NLGN1: variants seen among roughly 807,000 people sequenced by gnomAD.
The protein encoded by NLGN1 is neuroligin-1.
In NLGN1, 12 loss-of-function variants were observed where a neutral mutation model predicts 65.5. The ratio of observed to expected loss-of-function variants is 0.18; its 90% CI spans 0.12 to 0.30. The LOEUF (loss-of-function observed/expected upper bound fraction) is 0.30. Among genes scored for constraint, NLGN1 ranks in the 10% least tolerant of loss-of-function variants. The probability of loss-of-function intolerance (pLI) is 1.00; values close to 1 mark genes in which losing one functional copy is unlikely to be tolerated. For synonymous variants in NLGN1, 350 were observed against 359.5 expected (o/e 0.97, Z 0.30); for missense variants, 750 against 1,007.1 (o/e 0.74, Z 3.46).
intron 4 of NLGN1, among the ~76,000 whole-genome samples, chr3:174,175,645 TCACA>T (rs1428600582): frequency 6.6e-6 from 1 of 151,944 alleles, no homozygotes; most frequent in African/African-American, 2.4e-5. Context: ...TGATTCCATC[TCACA>T]CACACTGAGT....
intron 4 of NLGN1, among the ~76,000 whole-genome samples, chr3:173,844,872 A>G (rs1050820499): frequency 3.3e-5 from 5 of 152,236 alleles, no homozygotes; most frequent in Admixed American, 2.0e-4. Flanking sequence ...AAGGCGGTTC[A>G]TAGTCTTCTA....
intron 4 of NLGN1, among the ~76,000 whole-genome samples, chr3:174,147,722 G>T (rs566906885): frequency 6.6e-6 from 1 of 151,986 alleles, no homozygotes; most frequent in Non-Finnish European, 1.5e-5. Flanking sequence ...GGCCGAAAAC[G>T]TGCTAGTTTA....
In NLGN1 at chr3:173,965,981, A is replaced by G. The variant is rs552834306; in HGVS notation, c.646+158149A>G. ...ACAGGTGTTAGCAGTACAAATATCT[A>G]TCTTTTAACCAGGCTTGTTGGTATT... On this transcript the variant is annotated intron_variant, in intron 4 of 6. Coordinates refer to ENST00000457714, the Ensembl canonical transcript of NLGN1. Among the ~76,000 whole-genome samples the G allele has an allele frequency of 2.0e-5, 3 of 152,008 alleles. No homozygotes were observed. The East Asian group carries it at 5.8e-4, about 29-fold the overall frequency.
intron 2 of NLGN1, among the ~76,000 whole-genome samples, chr3:173,551,597 A>G (rs1379255832): frequency 6.6e-6 from 1 of 152,200 alleles, no homozygotes; most frequent in Non-Finnish European, 1.5e-5. Flanking sequence ...CGAACGTACT[A>G]TGATGGAATC....
intron 4 of NLGN1, among the ~76,000 whole-genome samples, chr3:173,880,243 T>C (rs185787747): frequency 6.6e-6 from 1 of 152,202 alleles, no homozygotes; most frequent in Non-Finnish European, 1.5e-5. Context: ...TTGTACAAGA[T>C]AGAATGTAAA....
intron 4 of NLGN1, among the ~76,000 whole-genome samples, chr3:173,813,245 G>T (rs1488495749): frequency 6.6e-6 from 1 of 151,988 alleles, no homozygotes; most frequent in Non-Finnish European, 1.5e-5. Flanking sequence ...CCTGTTTATT[G>T]AATTGTTTTT....
intron 2 of NLGN1, among the ~76,000 whole-genome samples, chr3:173,558,008 A>G (rs958153067): frequency 1.3e-5 from 2 of 152,038 alleles, no homozygotes; most frequent in African/African-American, 4.8e-5. Context: ...TGCTGTCTAT[A>G]CAATTTTGGA....
chr3:173,844,328 C>T lies in NLGN1; in HGVS notation c.646+36496C>T, dbSNP rs569302677. On this transcript the variant is annotated intron_variant, in intron 4 of 6. Coordinates refer to ENST00000457714, the Ensembl canonical transcript of NLGN1. The stretch of plus-strand genomic sequence containing the variant: ...GTAGAGTAAGACAGAGGGGGTGTTT[C>T]GAGGAGAAACAGAGTTGAGAAAAAG... 5.0e-4 allele frequency among the ~76,000 whole-genome samples: 76 copies of T among 152,072 alleles called. 1 individual carries two copies. Among genetic ancestry groups the T allele is most frequent in the South Asian group, 4.6e-3 (22 of 4,810 alleles).
chr3:173,996,916 A>G (rs1163642803), intron 4 of NLGN1, among the ~76,000 whole-genome samples: 1 of 152,146 alleles, frequency 6.6e-6, no homozygotes, highest in Non-Finnish European at 1.5e-5. Context: ...GACACCAGGA[A>G]TTTCCTTGGC....
chr3:174,054,186 C>G (rs184712114), intron 4 of NLGN1, among the ~76,000 whole-genome samples: 20 of 152,086 alleles, frequency 1.3e-4, no homozygotes, highest in Admixed American at 8.5e-4. Context: ...AGGATTTGGT[C>G]TAATTTATGG....
At chr3:173,907,582 CTT>C (rs561283815) in intron 4 of NLGN1, among the ~76,000 whole-genome samples, 4,245 of 120,478 alleles carry the variant, frequency 0.035, 82 homozygotes, top group Middle Eastern at 0.086. Flanking sequence ...CTCTCTCTCT[CTT>C]TTTTTTTTTT....
At chr3:173,551,003 A>G (rs1025617228) in intron 2 of NLGN1, among the ~76,000 whole-genome samples, 41 of 152,162 alleles carry the variant, frequency 2.7e-4, no homozygotes, top group Non-Finnish European at 4.3e-4. Context: ...ATATTTTTAC[A>G]AATCTAAGCA....
chr3:173,600,480 C>CAT (rs747964821), intron 2 of NLGN1, among the ~76,000 whole-genome samples: 5 of 151,772 alleles, frequency 3.3e-5, no homozygotes, highest in Admixed American at 6.6e-5. Context: ...TTTTAAAACA[C>CAT]ATATGCAAAG....
At chr3:174,005,697 C>CTT (rs36063785) in intron 4 of NLGN1, among the ~76,000 whole-genome samples, 17 of 143,830 alleles carry the variant, frequency 1.2e-4, no homozygotes, top group Admixed American at 3.5e-4. Flanking sequence ...CTTAATTGAA[C>CTT]TTTTTTTTTT....
chr3:174,239,486 C>T (rs1297949330), intron 4 of NLGN1, among the ~76,000 whole-genome samples: 1 of 152,284 alleles, frequency 6.6e-6, no homozygotes, highest in African/African-American at 2.4e-5. Context: ...AGGGGTTAAA[C>T]ATTTGGATTC....
intron 4 of NLGN1, among the ~76,000 whole-genome samples, chr3:174,199,735 A>T (rs1322416157): frequency 6.6e-6 from 1 of 152,340 alleles, no homozygotes; most frequent in East Asian, 1.9e-4. Flanking sequence ...TTCTGCAGAA[A>T]TTCAGGTTAG....
intron 2 of NLGN1, among the ~76,000 whole-genome samples, chr3:173,542,629 GT>G (rs1739083293): frequency 6.6e-6 from 1 of 151,968 alleles, no homozygotes; most frequent in African/African-American, 2.4e-5. Context: ...AGAAACTTCT[GT>G]TTTTTGTTTT....
At chr3:173,601,336 G>A (rs980771177) in intron 2 of NLGN1, among the ~76,000 whole-genome samples, 6 of 152,036 alleles carry the variant, frequency 3.9e-5, no homozygotes, top group Admixed American at 6.6e-5. Context: ...CAGGTTATCC[G>A]TCTTAGGTGT....
intron 2 of NLGN1, among the ~76,000 whole-genome samples, chr3:173,523,663 T>C (rs1474449085): frequency 1.3e-5 from 2 of 151,720 alleles, no homozygotes; most frequent in African/African-American, 4.8e-5. Context: ...TATAGCCTTA[T>C]ACTATAATTT....
Sources: gnomAD v4.1 joint callset for allele counts (sites outside exome capture counted in the v4.1 genomes callset) on GRCh38, gnomAD v4.1.1 for gene constraint, MANE v1.5 for transcripts, NCBI Gene and HGNC (gene_info 2026-07-23, HGNC 2026-07-21) for gene names.